Variants in OSBPL9 observed in about 807,000 individuals in gnomAD.
OSBPL9 encodes oxysterol binding protein like 9.
OSBPL9 carries 40 observed loss-of-function variants against 106.6 expected under a neutral mutation model. That is an observed-to-expected ratio of 0.38 (90% CI 0.29 to 0.49). OSBPL9 has a LOEUF of 0.49. Among genes scored for constraint, OSBPL9 ranks in the 20% least tolerant of loss-of-function variants. OSBPL9 has a pLI of 0.97. For synonymous variants in OSBPL9, 269 were observed against 295.4 expected (o/e 0.91, Z 0.92); for missense variants, 609 against 887.2 (o/e 0.69, Z 3.98).
upstream of OSBPL9, among the ~76,000 whole-genome samples, chr1:51,576,008 C>A (rs1471163498): frequency 6.6e-6 from 1 of 152,220 alleles, no homozygotes; most frequent in Non-Finnish European, 1.5e-5. Context: ...CTATTCTTTG[C>A]CCATTCACCA....
intron 2 of OSBPL9, among the ~76,000 whole-genome samples, chr1:51,667,990 T>G (rs746484805): frequency 3.3e-5 from 5 of 152,234 alleles, no homozygotes; most frequent in Non-Finnish European, 7.3e-5. Context: ...TTCATCCAGA[T>G]AGCCTCTGGG....
upstream of OSBPL9, among the ~76,000 whole-genome samples, chr1:51,575,194 TTTTG>T (rs144911600): frequency 1.1e-4 from 16 of 151,936 alleles, no homozygotes; most frequent in African/African-American, 3.9e-4. Flanking sequence ...AATATCTAGG[TTTTG>T]TTTGTTTGTT....
intron 4 of OSBPL9, among the ~76,000 whole-genome samples, chr1:51,744,804 C>T (rs548750255): frequency 1.3e-5 from 2 of 152,262 alleles, no homozygotes; most frequent in South Asian, 2.1e-4. Flanking sequence ...ACATAAGAAT[C>T]CCATGCTCTT....
chr1:51,779,373 C>T (rs968382780), intron 15 of OSBPL9, among the ~76,000 whole-genome samples: 2 of 152,164 alleles, frequency 1.3e-5, no homozygotes, highest in South Asian at 2.1e-4. Context: ...ATTGGATCCA[C>T]ATCACTCACC....
At chr1:51,740,852 A>T (rs1666752387) in intron 4 of OSBPL9, among the ~76,000 whole-genome samples, 1 of 151,840 alleles carries the variant, frequency 6.6e-6, no homozygotes, top group Admixed American at 6.6e-5. Flanking sequence ...ACTGTTCATT[A>T]CTCTTCCTCT....
At chr1:51,740,281 C>T in intron 4 of OSBPL9, 1 of 1,402,962 alleles carries the variant, frequency 7.1e-7, no homozygotes, top group African/African-American at 1.5e-5. Flanking sequence ...TGATGCATGT[C>T]ATCTCAAATT....
chr1:51,728,211 G>C (rs1291963832), intron 4 of OSBPL9, among the ~76,000 whole-genome samples: 1 of 152,244 alleles, frequency 6.6e-6, no homozygotes, highest in African/African-American at 2.4e-5. Context: ...GCACAACTCA[G>C]TGGAAAGCAG....
chr1:51,720,356 T>TG (rs754672794), intron 4 of OSBPL9, among the ~76,000 whole-genome samples: 39 of 151,780 alleles, frequency 2.6e-4, no homozygotes, highest in Non-Finnish European at 5.3e-4. Context: ...GACAGAGTCT[T>TG]GCTCTGTCAC....
At chr1:51,579,861 A>C (rs1423111580) in intron 1 of OSBPL9, among the ~76,000 whole-genome samples, 1 of 132,244 alleles carries the variant, frequency 7.6e-6, no homozygotes, top group East Asian at 2.0e-4. Flanking sequence ...TCTCAAAATA[A>C]TAATAATAAT....
chr1:51,768,818 T>G (rs1673200681), intron 12 of OSBPL9, among the ~76,000 whole-genome samples: 1 of 152,166 alleles, frequency 6.6e-6, no homozygotes, highest in African/African-American at 2.4e-5. Context: ...CCTTCTATGC[T>G]CTCCCAGTAC....
chr1:51,608,426 G>A (rs1260549922), intron 2 of OSBPL9, among the ~76,000 whole-genome samples: 3 of 151,866 alleles, frequency 2.0e-5, no homozygotes, highest in East Asian at 1.9e-4. Context: ...CCCAGTAGCT[G>A]GGATTACAGG....
intron 1 of OSBPL9, among the ~76,000 whole-genome samples, chr1:51,645,091 G>A (rs533273884): frequency 4.1e-4 from 63 of 152,260 alleles, no homozygotes; most frequent in African/African-American, 1.4e-3. Flanking sequence ...TCTGCTCTGC[G>A]ATAAATAGGG....
the OSBPL9 span, among the ~76,000 whole-genome samples, chr1:51,570,226 A>G: frequency 2.6e-5 from 4 of 152,186 alleles, no homozygotes; most frequent in Non-Finnish European, 5.9e-5. Context: ...TCAAATAGTA[A>G]TCACTGCTAA....
intron 1 of OSBPL9, among the ~76,000 whole-genome samples, chr1:51,627,509 C>G (rs1163538664): frequency 7.4e-6 from 1 of 134,532 alleles, no homozygotes; most frequent in Non-Finnish European, 1.8e-5. Flanking sequence ...TCTGTACTTA[C>G]GCCTGTACTA....
intron 12 of OSBPL9, 102 bp downstream of exon 12, chr1:51,766,083 T>C: frequency 8.4e-7 from 1 of 1,192,632 alleles, no homozygotes; most frequent in African/African-American, 1.6e-5. Flanking sequence ...CCTCATCAGT[T>C]ATTATTTGGG....
chr1:51,614,914 G>T (rs1644015821), upstream of OSBPL9, among the ~76,000 whole-genome samples: 1 of 152,080 alleles, frequency 6.6e-6, no homozygotes. Flanking sequence ...TGGTACTATG[G>T]CACCAGGATC....
At chr1:51,628,041 A>T (rs1185986219) in intron 1 of OSBPL9, among the ~76,000 whole-genome samples, 2 of 151,450 alleles carry the variant, frequency 1.3e-5, no homozygotes, top group African/African-American at 4.9e-5. Flanking sequence ...CACTGTACTA[A>T]TGAAGGCCTA....
chr1:51,647,289 A>G (rs1170499469), intron 1 of OSBPL9, among the ~76,000 whole-genome samples: 1 of 152,160 alleles, frequency 6.6e-6, no homozygotes, highest in South Asian at 2.1e-4. Context: ...TGGTCATAGT[A>G]TATAATCCTT....
At chr1:51,518,602 T>G in the OSBPL9 span, 1 of 152,470 alleles carries the variant, frequency 6.6e-6, no homozygotes, top group South Asian at 2.1e-4. Context: ...ATGAGACTTC[T>G]TTGGAGGCGA....
Sources: gnomAD v4.1 joint callset for allele counts (sites outside exome capture counted in the v4.1 genomes callset) on GRCh38, gnomAD v4.1.1 for gene constraint, MANE v1.5 for transcripts, NCBI Gene and HGNC (gene_info 2026-07-23, HGNC 2026-07-21) for gene names.